Variants in SLC5A8 observed in about 807,000 individuals in gnomAD.
SLC5A8 encodes the protein sodium-coupled monocarboxylate transporter 1.
In SLC5A8, 55 loss-of-function variants were observed where a neutral mutation model predicts 71.9. That is an observed-to-expected ratio of 0.77 (90% confidence interval 0.62 to 0.96). The LOEUF is 0.96. SLC5A8 is among the 40% of genes least tolerant of loss of function. The pLI is 0.00. For missense variants in SLC5A8, 701 were observed against 745.3 expected (o/e 0.94, Z 0.69); for synonymous variants, 307 against 276.1 (o/e 1.11, Z -1.11).
chr12:101,175,020 A>G (rs368811920), intron 10 of SLC5A8, among the ~76,000 whole-genome samples: 35 of 152,248 alleles, frequency 2.3e-4, no homozygotes, highest in African/African-American at 6.0e-4. Context: ...GATTTAAAAA[A>G]TGCTTTAACA....
At chr12:101,159,614 T>C (rs2137119746) in intron 13 of SLC5A8, among the ~76,000 whole-genome samples, 1 of 152,334 alleles carries the variant, frequency 6.6e-6, no homozygotes, top group East Asian at 1.9e-4. Flanking sequence ...ATAAGTTATT[T>C]GTGAAGTTAA....
Position 101,162,105 on chromosome 12 carries a change from A to C in SLC5A8, c.1527-28T>G. 3 of 1,467,930 alleles carry C rather than the reference A, an allele frequency of 2.0e-6. No individual in the cohort carries two copies. The South Asian group carries it at 3.4e-5, about 17-fold the overall frequency. 90.9% of individuals were successfully genotyped at this position (1,467,930 alleles called of 1,614,324 possible). A position where few individuals can be genotyped will look rare whatever the true frequency, so the allele number is the denominator to read the frequency against. The stretch of plus-strand genomic sequence containing the variant: ...AAGAGAGCAAAAACACAACGGTAAG[A>C]TTTCATGTAATGCCACTAGCAACTA... On this transcript the variant is annotated intron_variant, in intron 12 of 14. Transcript: ENST00000536262.
At chr12:101,158,439 C>A in intron 13 of SLC5A8, 111 bp from the exon 14 acceptor site, 1 of 658,980 alleles carries the variant, frequency 1.5e-6, no homozygotes, top group South Asian at 1.9e-5. Flanking sequence ...TCCATACATT[C>A]AAAAAACACA....
intron 13 of SLC5A8, among the ~76,000 whole-genome samples, chr12:101,159,887 T>A (rs1016099220): frequency 6.6e-6 from 1 of 152,090 alleles, no homozygotes; most frequent in Non-Finnish European, 1.5e-5. Context: ...AAGATGAAAA[T>A]CTGTCTTAAG....
At chr12:101,191,339 T>C (rs951211143) in intron 5 of SLC5A8, among the ~76,000 whole-genome samples, 2 of 152,210 alleles carry the variant, frequency 1.3e-5, no homozygotes, top group African/African-American at 4.8e-5. Flanking sequence ...CAATATGAGC[T>C]AGAAAACTTT....
intron 1 of SLC5A8, among the ~76,000 whole-genome samples, chr12:101,205,740 T>C (rs1345808255): frequency 6.6e-6 from 1 of 152,188 alleles, no homozygotes; most frequent in South Asian, 2.1e-4. Context: ...GGGCCTCAGA[T>C]AGAACATCAA....
intron 13 of SLC5A8, among the ~76,000 whole-genome samples, chr12:101,158,618 A>C (rs1418078923): frequency 2.3e-4 from 29 of 127,350 alleles, no homozygotes; most frequent in Non-Finnish European, 4.0e-4. Context: ...ATATATATAT[A>C]TATATATATA....
chr12:101,209,916 C>G lies in SLC5A8; in HGVS notation c.-68G>C. The G allele has an allele frequency of 7.3e-7, 1 of 1,376,818 alleles. No homozygotes were observed. The highest frequency in any genetic ancestry group is 9.6e-7 in the Non-Finnish European group (1 of 1,042,044). The allele number at this position is 1,376,818 out of a possible 1,614,324, so 85.3% of individuals were successfully genotyped here. On this transcript the variant is annotated 5_prime_UTR_variant, in exon 1 of 15. Transcript: ENST00000536262. ...CGCGGCGCGCAGCCGGAGCCCGGCGCGCACTTCTTATCCCGGATCCCTGGC... is the reference window on the plus strand; with the variant it reads ...CGCGGCGCGCAGCCGGAGCCCGGCGGGCACTTCTTATCCCGGATCCCTGGC...
chr12:101,180,142 A>C, intron 9 of SLC5A8, 46 bp from the exon 10 acceptor site: 1 of 1,578,708 alleles, frequency 6.3e-7, no homozygotes, highest in Non-Finnish European at 8.7e-7. Flanking sequence ...CACCCAGAGA[A>C]TTAGAATTCT....
At chr12:101,193,314 T>C (rs907254625) in intron 5 of SLC5A8, among the ~76,000 whole-genome samples, 7 of 152,148 alleles carry the variant, frequency 4.6e-5, no homozygotes, top group African/African-American at 1.4e-4. Flanking sequence ...TCTTTCCTTA[T>C]CACCCTGTCC....
At chr12:101,182,483 C>G (rs1031833073) in intron 9 of SLC5A8, among the ~76,000 whole-genome samples, 2 of 152,120 alleles carry the variant, frequency 1.3e-5, no homozygotes, top group Non-Finnish European at 2.9e-5. Context: ...GTGTGTGTGG[C>G]TAAGAATTTT....
intron 5 of SLC5A8, 148 bp downstream of exon 5, chr12:101,193,477 C>A: frequency 1.2e-6 from 1 of 839,362 alleles, no homozygotes; most frequent in Non-Finnish European, 1.8e-6. Context: ...AGGCTCCTTA[C>A]GTATTTACTT....
intron 3 of SLC5A8, among the ~76,000 whole-genome samples, chr12:101,195,483 G>A (rs1049288052): frequency 1.3e-5 from 2 of 152,098 alleles, no homozygotes; most frequent in Non-Finnish European, 2.9e-5. Flanking sequence ...CTCCCGATTA[G>A]ACGCGGTTCA....
chr12:101,177,251 G>A (rs778597941), intron 10 of SLC5A8, among the ~76,000 whole-genome samples: 2 of 143,666 alleles, frequency 1.4e-5, no homozygotes, highest in Non-Finnish European at 3.0e-5. Context: ...AACTATTAAG[G>A]AAATTAAATT....
intron 10 of SLC5A8, 22 bp downstream of exon 10, chr12:101,180,007 A>C (rs754911526): frequency 6.2e-7 from 1 of 1,613,690 alleles, no homozygotes; most frequent in East Asian, 2.2e-5. Flanking sequence ...TATGACTTAA[A>C]CCTCCAGGGG....
At chr12:101,195,811 C>A (rs1434459965) in intron 3 of SLC5A8, among the ~76,000 whole-genome samples, 1 of 149,254 alleles carries the variant, frequency 6.7e-6, no homozygotes, top group South Asian at 2.1e-4. Context: ...ATTCACCTGA[C>A]TCAGCCTCTC....
intron 11 of SLC5A8, 24 bp from the exon 12 acceptor site, chr12:101,166,723 A>G (rs1435915346): frequency 1.9e-6 from 3 of 1,553,154 alleles, no homozygotes; most frequent in South Asian, 2.4e-5. Context: ...ATGCCTTTAA[A>G]AGAAAAATAA....
chr12:101,175,039 T>G (rs1037569764), intron 10 of SLC5A8, among the ~76,000 whole-genome samples: 14 of 151,646 alleles, frequency 9.2e-5, no homozygotes, highest in African/African-American at 2.7e-4. Flanking sequence ...CAATTAGAAT[T>G]CACTTGAAAC....
intron 5 of SLC5A8, among the ~76,000 whole-genome samples, chr12:101,190,826 A>G (rs542138873): frequency 6.0e-4 from 92 of 152,276 alleles, no homozygotes; most frequent in Non-Finnish European, 1.2e-3. Context: ...ATACTAGAAG[A>G]GACTGGGGGA....
Sources: gnomAD v4.1 joint callset for allele counts (sites outside exome capture counted in the v4.1 genomes callset) on GRCh38, gnomAD v4.1.1 for gene constraint, MANE v1.5 for transcripts, NCBI Gene and HGNC (gene_info 2026-07-23, HGNC 2026-07-21) for gene names.